Variants in LMO7 observed in about 807,000 individuals in gnomAD.
LMO7 encodes the protein LIM domain only protein 7.
A neutral mutation model predicts 206.5 loss-of-function variants in LMO7; 120 were observed. The ratio of observed to expected loss-of-function variants is 0.58; its 90% CI spans 0.50 to 0.68. The LOEUF (loss-of-function observed/expected upper bound fraction) is 0.68, where lower values mean the gene tolerates loss of function less well. LMO7 is among the 30% of genes least tolerant of loss of function. The probability of loss-of-function intolerance (pLI) is 0.00; values close to 1 mark genes in which losing one functional copy is unlikely to be tolerated. For synonymous variants in LMO7, 706 were observed against 681.5 expected, an observed-to-expected ratio of 1.04 and a Z score of -0.56; for missense variants, 1,959 against 1,957.9, an observed-to-expected ratio of 1.00 and a Z score of -0.01.
intron 7 of LMO7, 105 bp from the exon 8 acceptor site, chr13:75,804,183 TG>T: frequency 8.9e-7 from 1 of 1,118,174 alleles, no homozygotes; most frequent in Non-Finnish European, 1.3e-6. Context: ...CAGTTAGCAG[TG>T]GCAGCACTGG....
intron 3 of LMO7, among the ~76,000 whole-genome samples, chr13:75,735,540 C>T (rs1322595111): frequency 6.6e-6 from 1 of 152,120 alleles, no homozygotes; most frequent in Non-Finnish European, 1.5e-5. Flanking sequence ...TGGCTCCCTG[C>T]AAACTCCGCC....
chr13:75,735,999 G>A (rs1328282910), intron 3 of LMO7, among the ~76,000 whole-genome samples: 2 of 152,030 alleles, frequency 1.3e-5, no homozygotes, highest in African/African-American at 4.8e-5. Context: ...CAAACACCCT[G>A]CATATTTGGA....
Position 75,840,477 on chromosome 13 carries a change from G to A in LMO7, c.3564G>A (p.Glu1188=). ...ERKRQERWQK[E]QDRLLQEKYQ... is the part of the protein sequence containing the mutation. ...AGCGGCAGGAGAGGTGGCAGAAGGA[G>A]CAGGACCGCCTACTGCAGGTAGCTC... The change falls in exon 22 of 31, where the codon GAG becomes GAA. Residue 1188 remains glutamate (E), a synonymous_variant. Coordinates refer to ENST00000377534, the MANE Select transcript of LMO7 (RefSeq NM_001306080.2). 1.2e-6 allele frequency: 2 copies of A among 1,613,904 alleles called. No homozygotes were observed. The highest frequency in any genetic ancestry group is 1.7e-6 in the Non-Finnish European group (2 of 1,179,930).
intron 19 of LMO7, among the ~76,000 whole-genome samples, chr13:75,837,221 G>A (rs1422225145): frequency 2.0e-5 from 3 of 152,142 alleles, no homozygotes; most frequent in Admixed American, 1.3e-4. Flanking sequence ...TTTCCTCATC[G>A]ATTATTTAAT....
rs1408074571 is a variant in LMO7, at chr13:75,856,618, C to G, written c.4873+10C>G. 1.3e-6 allele frequency: 2 copies of G among 1,541,110 alleles called. No homozygotes were observed. The highest frequency in any genetic ancestry group is 2.7e-5 in the African/African-American group (2 of 73,438). ...TATCTCAGATTCAAATGTAAGAGAG[C>G]AAATCAGAGAGAAAATTTCTTGCCT... On this transcript the variant is annotated intron_variant, in intron 30 of 30. Transcript: ENST00000377534.
chr13:75,659,811 T>C (rs2038403327), intron 1 of LMO7, among the ~76,000 whole-genome samples: 1 of 152,266 alleles, frequency 6.6e-6, no homozygotes, highest in Non-Finnish European at 1.5e-5. Context: ...TGGTATTTTA[T>C]CTAAGACTTT....
intron 1 of LMO7, among the ~76,000 whole-genome samples, chr13:75,663,286 C>T (rs1314185774): frequency 1.3e-5 from 2 of 150,924 alleles, no homozygotes; most frequent in Non-Finnish European, 2.9e-5. Context: ...TTCTAATGCT[C>T]CTGTGATATT....
At chr13:75,792,602 C>T (rs569592624) in intron 4 of LMO7, among the ~76,000 whole-genome samples, 1 of 152,298 alleles carries the variant, frequency 6.6e-6, no homozygotes, top group African/African-American at 2.4e-5. Flanking sequence ...TCCCCTTCAC[C>T]ATTGCAGTAG....
chr13:75,796,491 T>C, intron 5 of LMO7, 145 bp from the exon 6 acceptor site: 1 of 586,838 alleles, frequency 1.7e-6, no homozygotes, highest in South Asian at 2.3e-5. Context: ...GACTTTTACC[T>C]TTCCCATAAA....
intron 2 of LMO7, among the ~76,000 whole-genome samples, chr13:75,723,566 C>T (rs1301489133): frequency 1.3e-5 from 2 of 152,172 alleles, no homozygotes; most frequent in Non-Finnish European, 2.9e-5. Flanking sequence ...AATAGAGCAT[C>T]AAATTCTGTT....
chr13:75,830,672 A>G (rs939255272), intron 15 of LMO7, among the ~76,000 whole-genome samples: 4 of 152,150 alleles, frequency 2.6e-5, no homozygotes, highest in African/African-American at 9.7e-5. Flanking sequence ...AGATGTTTAA[A>G]TAGTGATTTC....
intron 3 of LMO7, among the ~76,000 whole-genome samples, chr13:75,728,691 G>A (rs1475725465): frequency 7.4e-6 from 1 of 135,368 alleles, no homozygotes; most frequent in Non-Finnish European, 1.6e-5. Flanking sequence ...TAGACATGAA[G>A]TCCTTGCCCA....
At chr13:75,733,344 C>T (rs1212149542) in intron 3 of LMO7, among the ~76,000 whole-genome samples, 1 of 152,244 alleles carries the variant, frequency 6.6e-6, no homozygotes, top group Non-Finnish European at 1.5e-5. Context: ...GCGCCCCTCC[C>T]CCAGCCTCAC....
chr13:75,763,023 C>T (rs1306105614), intron 4 of LMO7, among the ~76,000 whole-genome samples: 2 of 152,148 alleles, frequency 1.3e-5, no homozygotes, highest in Non-Finnish European at 2.9e-5. Context: ...AATAGTAATG[C>T]ATTTTAGCTT....
At chr13:75,738,513 G>A (rs1008077961) in intron 3 of LMO7, among the ~76,000 whole-genome samples, 1 of 151,954 alleles carries the variant, frequency 6.6e-6, no homozygotes, top group African/African-American at 2.4e-5. Context: ...ATAGAGATAG[G>A]GCTTTTCTCA....
chr13:75,672,461 G>C (rs559301126), intron 1 of LMO7, among the ~76,000 whole-genome samples: 1 of 151,986 alleles, frequency 6.6e-6, no homozygotes. Flanking sequence ...GGCTGGTCTC[G>C]AACTCCCTAC....
At chr13:75,827,872 C>G (rs1010362738) in intron 15 of LMO7, among the ~76,000 whole-genome samples, 4 of 152,214 alleles carry the variant, frequency 2.6e-5, no homozygotes, top group African/African-American at 7.2e-5. Flanking sequence ...TGTCCATTTC[C>G]TGATCTCATC....
chr13:75,811,638 T>C (rs1406335904), intron 11 of LMO7, among the ~76,000 whole-genome samples: 2 of 152,246 alleles, frequency 1.3e-5, no homozygotes, highest in African/African-American at 4.8e-5. Context: ...ATTTCTGGCT[T>C]GCTCTTTGTT....
At chr13:75,839,942 C>T in intron 20 of LMO7, 143 bp from the exon 21 acceptor site, 1 of 688,358 alleles carries the variant, frequency 1.5e-6, no homozygotes, top group African/African-American at 1.8e-5. Flanking sequence ...AAAGGATTTA[C>T]TGACTATTGT....
Sources: allele counts gnomAD v4.1 joint callset (sites outside exome capture counted in the v4.1 genomes callset), GRCh38; gene constraint gnomAD v4.1.1; transcripts MANE v1.5; gene names NCBI Gene and HGNC (gene_info 2026-07-23, HGNC 2026-07-21).